The following ZNF215 variants were observed in gnomAD, a reference collection of about 807,000 sequenced individuals.
The protein encoded by ZNF215 is zinc finger protein 215.
A neutral mutation model predicts 27.2 loss-of-function variants in ZNF215; 24 were observed. The ratio of observed to expected loss-of-function variants is 0.88; its 90% CI spans 0.64 to 1.24. The LOEUF (loss-of-function observed/expected upper bound fraction) is 1.24. Ranked by LOEUF, ZNF215 falls within the 50% of genes most tolerant of loss-of-function variation. The pLI is 0.00. For synonymous variants in ZNF215, 210 were observed against 204.0 expected (o/e 1.03, Z -0.25); for missense variants, 675 against 605.7 (o/e 1.11, Z -1.20).
chr11:6,994,251 G>A (rs187470912), intron 6 of ZNF215, among the ~76,000 whole-genome samples: 3 of 151,626 alleles, frequency 2.0e-5, no homozygotes, highest in Non-Finnish European at 2.9e-5. Flanking sequence ...GGCAAATTAT[G>A]TATTGATCCG....
At position 6,937,342 on chromosome 11, in the gene ZNF215, C is replaced by T. The variant is rs151094824; in HGVS notation, c.401-4229C>T. 6.1e-3 allele frequency among the ~76,000 whole-genome samples: 928 copies of T among 151,966 alleles called. 3 individuals carry two copies. The highest frequency in any genetic ancestry group is 0.01 in the Non-Finnish European group (708 of 67,782). ...TCAAAAATAGAGGTGTAGGACTTGTCTGCTGAAAAGTACAAACCATTGTTG... is the reference window on the plus strand; with the variant it reads ...TCAAAAATAGAGGTGTAGGACTTGTTTGCTGAAAAGTACAAACCATTGTTG... On this transcript the variant is annotated intron_variant, in intron 3 of 6. Transcript: ENST00000278319.
chr11:6,985,023 G>A (rs1229315682), downstream of ZNF215, among the ~76,000 whole-genome samples: 15 of 152,060 alleles, frequency 9.9e-5, no homozygotes, highest in Admixed American at 9.8e-4. Flanking sequence ...AAATTGAGGA[G>A]GGGGGCTCCT....
intron 3 of ZNF215, among the ~76,000 whole-genome samples, chr11:6,941,321 A>G (rs1418079807): frequency 6.6e-6 from 1 of 152,160 alleles, no homozygotes; most frequent in Non-Finnish European, 1.5e-5. Flanking sequence ...TGAAAATATT[A>G]TTTTGTCCCT....
intron 5 of ZNF215, among the ~76,000 whole-genome samples, chr11:6,970,825 T>C (rs1022399293): frequency 6.6e-6 from 1 of 152,216 alleles, no homozygotes; most frequent in African/African-American, 2.4e-5. Flanking sequence ...TTCCGAGACA[T>C]CCTTCCTTGC....
At chr11:6,962,345 G>C (rs1025664125), downstream of ZNF215, among the ~76,000 whole-genome samples, 4 of 152,112 alleles carry the variant, frequency 2.6e-5, no homozygotes, top group Non-Finnish European at 4.4e-5. Flanking sequence ...TGGAGTTAAA[G>C]AACCCATTGA....
intron 5 of ZNF215, among the ~76,000 whole-genome samples, chr11:6,978,782 T>A (rs2857920): frequency 0.97 from 147,155 of 152,108 alleles, 71,385 homozygotes; most frequent in East Asian, 1. Context: ...TTCACTGTAA[T>A]ATTCTTTCAA....
At chr11:6,949,793 A>C (rs951836078) in intron 6 of ZNF215, among the ~76,000 whole-genome samples, 4 of 152,212 alleles carry the variant, frequency 2.6e-5, no homozygotes. Context: ...TGTTTTAGAC[A>C]TGAAGTCCTT....
downstream of ZNF215, among the ~76,000 whole-genome samples, chr11:6,985,467 C>T (rs1186419965): frequency 6.6e-6 from 1 of 152,082 alleles, no homozygotes; most frequent in Non-Finnish European, 1.5e-5. Context: ...AGAACCATTC[C>T]CCATGAAAAC....
chr11:6,984,820 C>G (rs1236907485), downstream of ZNF215, among the ~76,000 whole-genome samples: 1 of 149,156 alleles, frequency 6.7e-6, no homozygotes, highest in Non-Finnish European at 1.5e-5. Context: ...TGGGTTTTCA[C>G]AATCTTTTAC....
chr11:6,967,310 C>T lies in ZNF215; in HGVS notation c.805+11528C>T, dbSNP rs185101978. ...ATTTATAGTAGAATGATTTATAATC[C>T]TTTGGGTACCCAGTAATGGGATTGC... On this transcript the variant is annotated intron_variant, in intron 5 of 5. Transcript: ENST00000529903. Among the ~76,000 whole-genome samples, 322 of 152,190 alleles carry T rather than the reference C, an allele frequency of 2.1e-3. 1 individual carries two copies. The highest frequency in any genetic ancestry group is 7.6e-3 in the African/African-American group (315 of 41,542).
Position 6,956,824 on chromosome 11 carries a change from A to C in ZNF215, c.*293A>C. 8.8e-7 allele frequency: 1 copy of C among 1,130,192 alleles called. No homozygotes were observed. Among genetic ancestry groups the C allele is most frequent in the Non-Finnish European group, 1.1e-6 (1 of 922,546 alleles). 70.0% of individuals were successfully genotyped at this position (1,130,192 alleles called of 1,614,324 possible). On this transcript the variant is annotated 3_prime_UTR_variant, in exon 7 of 7. Transcript: ENST00000278319. ...ATATCCATTACCCTCACCTCTCCCT[A>C]GTTCATAAATAGGTCTATAGCATAC...
chr11:6,981,166 A>G (rs1392682893), intron 5 of ZNF215, among the ~76,000 whole-genome samples: 2 of 150,484 alleles, frequency 1.3e-5, no homozygotes, highest in Non-Finnish European at 3.0e-5. Context: ...CTAGTTCTAG[A>G]TCCCTGAGGA....
At chr11:6,975,563 C>T (rs539496604) in intron 5 of ZNF215, among the ~76,000 whole-genome samples, 4 of 152,042 alleles carry the variant, frequency 2.6e-5, no homozygotes, top group East Asian at 1.9e-4. Context: ...CTATTCTCTA[C>T]GTCCGTGAGT....
Position 6,956,449 on chromosome 11 carries a change from A to G in ZNF215, c.1472A>G (p.Lys491Arg). Residue 491 changes from lysine (K) to arginine (R), a missense_variant, in exon 7 of 7, where the codon AAA becomes AGA. Coordinates refer to ENST00000278319, the MANE Select transcript of ZNF215 (RefSeq NM_013250.4). The part of the protein sequence containing the change: ...QMIHTGEKPF[K>R]CKECSKAFNR... Reference sequence around the variant, plus strand: ...ATTCACACGGGAGAGAAACCATTCAAATGTAAGGAATGTAGTAAAGCCTTC... The same window carrying G: ...ATTCACACGGGAGAGAAACCATTCAGATGTAAGGAATGTAGTAAAGCCTTC... The G allele has an allele frequency of 6.2e-7, 1 of 1,614,146 alleles. No homozygotes were observed. Among genetic ancestry groups the G allele is most frequent in the East Asian group, 2.2e-5 (1 of 44,872 alleles).
In ZNF215 at chr11:6,932,585, A is replaced by G; in HGVS notation, c.313A>G (p.Arg105Gly). ...QFLAILPEEV[R>G]TWVNLQHPNN... The stretch of plus-strand genomic sequence containing the variant: ...CCTGGCAATCCTGCCTGAAGAAGTC[A>G]GGACTTGGGTGAATTTACAACATCC... Residue 105 changes from arginine to glycine, a missense_variant, in exon 3 of 7, where the codon AGG becomes GGG. Physicochemically the swap from Arg to Gly is moderately radical, Grantham distance 125. Transcript: ENST00000278319. 6.2e-7 allele frequency: 1 copy of G among 1,614,224 alleles called. No individual in the cohort carries two copies.
rs76004454 is a variant in ZNF215, at chr11:6,935,355, C to A, written c.400+2683C>A. ...CTGAGTGAGTGTGCCCTAATACACACAATGCATCTGCAGAGACCAGTTGAT... is the reference window on the plus strand; with the variant it reads ...CTGAGTGAGTGTGCCCTAATACACAAAATGCATCTGCAGAGACCAGTTGAT... On this transcript the variant is annotated intron_variant, in intron 3 of 6. Coordinates refer to ENST00000278319, the MANE Select transcript of ZNF215 (RefSeq NM_013250.4). Among the ~76,000 whole-genome samples the A allele has an allele frequency of 8.6e-3, 1,306 of 152,294 alleles. 19 individuals carry two copies. The highest frequency in any genetic ancestry group is 0.035 in the South Asian group (170 of 4,830).
chr11:6,943,734 G>C, intron 6 of ZNF215, 93 bp downstream of exon 6: 1 of 1,015,292 alleles, frequency 9.8e-7, no homozygotes, highest in Non-Finnish European at 1.5e-6. Context: ...TTGTTAGTTG[G>C]GAAGGAGATA....
intron 5 of ZNF215, among the ~76,000 whole-genome samples, chr11:6,977,573 G>A (rs1047643164): frequency 6.6e-6 from 1 of 151,914 alleles, no homozygotes; most frequent in Non-Finnish European, 1.5e-5. Flanking sequence ...AATCTGTCTG[G>A]TATCCTTGTA....
chr11:6,964,872 C>T (rs968585847), intron 5 of ZNF215, among the ~76,000 whole-genome samples: 2 of 151,948 alleles, frequency 1.3e-5, no homozygotes, highest in Non-Finnish European at 2.9e-5. Context: ...TGTGTGTATT[C>T]ATGCACTGAA....
Sources: allele counts gnomAD v4.1 joint callset (sites outside exome capture counted in the v4.1 genomes callset), GRCh38; gene constraint gnomAD v4.1.1; transcripts MANE v1.5; gene names NCBI Gene and HGNC (gene_info 2026-07-23, HGNC 2026-07-21).